The following CLASP1 variants were observed in gnomAD, a reference collection of about 807,000 sequenced individuals.
CLASP1 encodes cytoplasmic linker associated protein 1.
A neutral mutation model predicts 192.3 loss-of-function variants in CLASP1; 38 were observed. The ratio of observed to expected loss-of-function variants is 0.20; its 90% CI spans 0.15 to 0.26. The LOEUF (loss-of-function observed/expected upper bound fraction) is 0.26, where lower values mean the gene tolerates loss of function less well. Ranked by LOEUF, CLASP1 falls within the 10% of genes least tolerant of loss-of-function variation. CLASP1 has a pLI of 1.00. For synonymous variants in CLASP1, 691 were observed against 712.8 expected (o/e 0.97, Z 0.49); for missense variants, 1,433 against 1,932.5 (o/e 0.74, Z 4.85).
At chr2:121,586,881 A>C (rs2105677161) in intron 2 of CLASP1, among the ~76,000 whole-genome samples, 1 of 152,338 alleles carries the variant, frequency 6.6e-6, no homozygotes, top group South Asian at 2.1e-4. Flanking sequence ...TCAAAGTAGC[A>C]TGACCAAGCA....
At chr2:121,600,868 C>T (rs1354332455) in intron 2 of CLASP1, among the ~76,000 whole-genome samples, 3 of 152,182 alleles carry the variant, frequency 2.0e-5, no homozygotes, top group African/African-American at 7.2e-5. Context: ...CCACTTAAGA[C>T]CAATAGGTTA....
chr2:121,605,294 C>A (rs2064291033), intron 2 of CLASP1, among the ~76,000 whole-genome samples: 1 of 152,128 alleles, frequency 6.6e-6, no homozygotes, highest in African/African-American at 2.4e-5. Context: ...ATGCTCCACA[C>A]CTTATTACCA....
chr2:121,411,012 A>G (rs1312774841), intron 23 of CLASP1, 43 bp from the exon 25 acceptor site: 3 of 1,245,638 alleles, frequency 2.4e-6, no homozygotes, highest in African/African-American at 3.0e-5. Flanking sequence ...CTTTAATTCA[A>G]ATTATTTCAA....
intron 2 of CLASP1, among the ~76,000 whole-genome samples, chr2:121,565,617 G>A (rs1346407704): frequency 6.6e-6 from 1 of 152,154 alleles, no homozygotes; most frequent in Non-Finnish European, 1.5e-5. Context: ...CCTTGGCAGG[G>A]ACAGGCTGTC....
chr2:121,501,660 A>G (rs2093758878), intron 8 of CLASP1, among the ~76,000 whole-genome samples: 1 of 152,232 alleles, frequency 6.6e-6, no homozygotes, highest in African/African-American at 2.4e-5. Flanking sequence ...GGTATTTTAT[A>G]TAGGAAACAT....
intron 24 of CLASP1, among the ~76,000 whole-genome samples, chr2:121,410,143 T>C (rs1207240750): frequency 6.6e-6 from 1 of 152,164 alleles, no homozygotes; most frequent in Non-Finnish European, 1.5e-5. Flanking sequence ...GATCAGACAG[T>C]TCTAAAGAAT....
intron 8 of CLASP1, among the ~76,000 whole-genome samples, chr2:121,472,869 T>A (rs114972343): frequency 6.6e-6 from 1 of 152,234 alleles, no homozygotes; most frequent in African/African-American, 2.4e-5. Context: ...GACTGAAGTA[T>A]GTCTGGAGTG....
chr2:121,338,323 G>A (rs1303694421), exon 40 of CLASP1: 1 of 152,272 alleles, frequency 6.6e-6, no homozygotes, highest in Non-Finnish European at 1.5e-5. Flanking sequence ...CGTGCCCCGA[G>A]GACCGGCTGC....
chr2:121,396,033 C>T (rs1172184591), intron 30 of CLASP1, among the ~76,000 whole-genome samples: 4 of 152,100 alleles, frequency 2.6e-5, no homozygotes, highest in Non-Finnish European at 4.4e-5. Context: ...GAACCCCAAT[C>T]GAAAAAACAA....
chr2:121,418,691 CCT>C lies in CLASP1; in HGVS notation c.2249_2250del (p.Gln750ArgfsTer9), dbSNP rs1196825045. ...TCACGGCTGGTATCGCGGCTGCACC[CCT>C]GACTCATGCTGGGTCGAGGGATACG... On this transcript the variant is annotated frameshift_variant, in exon 23 of 40. Transcript: ENST00000263710. LOFTEE classifies it high-confidence loss of function. 5 of 1,613,856 alleles carry C rather than the reference CCT, an allele frequency of 3.1e-6. No individual in the cohort carries two copies. The highest frequency in any genetic ancestry group is 1.3e-5 in the African/African-American group (1 of 75,028).
At chr2:121,367,923 C>T (rs1266522809) in intron 34 of CLASP1, 92 bp from the exon 36 acceptor site, 1 of 1,515,540 alleles carries the variant, frequency 6.6e-7, no homozygotes, top group Non-Finnish European at 8.9e-7. Flanking sequence ...CAGAGATTTT[C>T]ACTTGAAATA....
At chr2:121,378,064 A>G (rs1436395621) in intron 33 of CLASP1, among the ~76,000 whole-genome samples, 1 of 152,236 alleles carries the variant, frequency 6.6e-6, no homozygotes, top group African/African-American at 2.4e-5. Flanking sequence ...TAAAGCTAGT[A>G]CTATAAGCAA....
chr2:121,428,169 CT>C (rs2080771553), intron 20 of CLASP1, among the ~76,000 whole-genome samples: 1 of 152,096 alleles, frequency 6.6e-6, no homozygotes, highest in South Asian at 2.1e-4. Flanking sequence ...TATTATCACC[CT>C]AATCACTATT....
At chr2:121,369,540 T>C (rs1032244468) in intron 34 of CLASP1, among the ~76,000 whole-genome samples, 17 of 152,098 alleles carry the variant, frequency 1.1e-4, no homozygotes, top group African/African-American at 4.1e-4. Flanking sequence ...TTCAGACATT[T>C]AAAAAATAAA....
At chr2:121,594,249 G>C (rs1398929317) in intron 2 of CLASP1, among the ~76,000 whole-genome samples, 1 of 150,046 alleles carries the variant, frequency 6.7e-6, no homozygotes, top group Non-Finnish European at 1.5e-5. Flanking sequence ...TCAGTGAGCC[G>C]AGATCGCACC....
intron 8 of CLASP1, among the ~76,000 whole-genome samples, chr2:121,500,633 T>C (rs2093723786): frequency 6.6e-6 from 1 of 152,220 alleles, no homozygotes; most frequent in African/African-American, 2.4e-5. Context: ...GTTTGTTTTT[T>C]GACAGCAATT....
chr2:121,529,442 T>C (rs1458782536), intron 3 of CLASP1, among the ~76,000 whole-genome samples: 1 of 152,224 alleles, frequency 6.6e-6, no homozygotes, highest in African/African-American at 2.4e-5. Flanking sequence ...AAAGCTTTTT[T>C]TAAATTTGTA....
intron 30 of CLASP1, among the ~76,000 whole-genome samples, chr2:121,390,994 G>A (rs768475822): frequency 2.0e-5 from 3 of 151,950 alleles, no homozygotes; most frequent in South Asian, 2.1e-4. Context: ...AATATCTTTC[G>A]TTTTTACTAT....
At chr2:121,354,476 G>C (rs1226691376) in intron 37 of CLASP1, among the ~76,000 whole-genome samples, 2 of 152,214 alleles carry the variant, frequency 1.3e-5, no homozygotes, top group Non-Finnish European at 2.9e-5. Flanking sequence ...ACGTGGCTGT[G>C]TACCTATGTG....
Sources: allele counts gnomAD v4.1 joint callset (sites outside exome capture counted in the v4.1 genomes callset), GRCh38; gene constraint gnomAD v4.1.1; transcripts MANE v1.5; gene names NCBI Gene and HGNC (gene_info 2026-07-23, HGNC 2026-07-21).